Variants in EEF1AKMT2 observed in about 807,000 individuals in gnomAD.
The protein encoded by EEF1AKMT2 is eukaryotic translation elongation factor 1 alpha lysine methyltransferase 2.
Under a neutral mutation model 35.8 loss-of-function variants are expected in EEF1AKMT2, and 32 were observed. The ratio of observed to expected loss-of-function variants is 0.89; its 90% confidence interval spans 0.67 to 1.20. The LOEUF (loss-of-function observed/expected upper bound fraction) is 1.20, where lower values mean the gene tolerates loss of function less well. Among genes scored for constraint, EEF1AKMT2 ranks in the 50% most tolerant of loss-of-function variants. EEF1AKMT2 has a pLI of 0.00. For synonymous variants in EEF1AKMT2, 121 were observed against 133.7 expected (o/e 0.91, Z 0.65); for missense variants, 330 against 347.5 (o/e 0.95, Z 0.40).
intron 3 of EEF1AKMT2, among the ~76,000 whole-genome samples, chr10:124,786,711 G>T (rs546256457): frequency 6.6e-6 from 1 of 151,704 alleles, no homozygotes; most frequent in Non-Finnish European, 1.5e-5. Flanking sequence ...TCAGGAGGCT[G>T]AGGCAGGAAA....
At chr10:124,769,267 G>A (rs1028252633) in intron 4 of EEF1AKMT2, among the ~76,000 whole-genome samples, 8 of 93,750 alleles carry the variant, frequency 8.5e-5, no homozygotes, top group South Asian at 3.9e-4. Context: ...TAAATAAAAC[G>A]AACAGAATTG....
At chr10:124,790,394 T>A in intron 1 of EEF1AKMT2, 56 bp from the exon 2 acceptor site, 1 of 1,229,604 alleles carries the variant, frequency 8.1e-7, no homozygotes, top group Non-Finnish European at 1.2e-6. Context: ...TATTATGAAT[T>A]AAATGTATGT....
intron 6 of EEF1AKMT2, 85 bp from the exon 7 acceptor site, chr10:124,760,588 T>C: frequency 2.0e-6 from 2 of 978,016 alleles, no homozygotes; most frequent in Non-Finnish European, 3.1e-6. Flanking sequence ...CACTGTACCA[T>C]TGAACCCTTT....
intron 4 of EEF1AKMT2, among the ~76,000 whole-genome samples, chr10:124,772,424 T>C (rs75855074): frequency 9.4e-6 from 1 of 106,876 alleles, no homozygotes; most frequent in African/African-American, 3.1e-5. Flanking sequence ...CTTTTTCTTT[T>C]TTTTTTTTTT....
At position 124,765,477 on chromosome 10, in the gene EEF1AKMT2, G is replaced by A. The variant is rs762520637; in HGVS notation, c.531C>T (p.Leu177=). The stretch of plus-strand genomic sequence containing the variant: ...AGCCTTTTACTTTCAACACCCTGGA[G>A]AGAGATTTCACATATTGCTTCCTCT... ...IEKRKQYVKS[L]SRVLKVKGFF... is the part of the protein sequence containing the mutation. Residue 177 remains leucine, a synonymous_variant, in exon 5 of 7, where the codon CTC becomes CTT. Transcript: ENST00000368836. The A allele has an allele frequency of 2.5e-6, 4 of 1,613,860 alleles. No homozygotes were observed. The Admixed American group carries it at 6.7e-5, about 27-fold the overall frequency.
At chr10:124,791,097 C>G (rs1950630416) in intron 1 of EEF1AKMT2, among the ~76,000 whole-genome samples, 1 of 152,092 alleles carries the variant, frequency 6.6e-6, no homozygotes, top group South Asian at 2.1e-4. Flanking sequence ...GTCTCTTTTC[C>G]TACAATGATT....
At chr10:124,757,176 AC>A (rs1950293569), downstream of EEF1AKMT2, among the ~76,000 whole-genome samples, 1 of 151,608 alleles carries the variant, frequency 6.6e-6, no homozygotes, top group African/African-American at 2.4e-5. Flanking sequence ...CCACACACAC[AC>A]ACACACACAC....
Position 124,791,787 on chromosome 10 carries a change from C to T in EEF1AKMT2, c.47G>A (p.Arg16Gln). Residue 16 changes from arginine to glutamine, a missense_variant, in exon 1 of 7, where the codon CGG becomes CAG. Transcript: ENST00000368836. ...DGGGGAAVAA[R>Q]SDKGSPGEDG... ...CTCCCCGGGACTGCCCTTGTCCGAC[C>T]GCGCCGCCACCGCAGCGCCACCGCC... 1 of 1,592,464 alleles carries T rather than the reference C, an allele frequency of 6.3e-7. No individual in the cohort carries two copies.
chr10:124,765,697 A>C, intron 4 of EEF1AKMT2, 89 bp from the exon 5 acceptor site: 1 of 926,632 alleles, frequency 1.1e-6, no homozygotes, highest in Non-Finnish European at 1.6e-6. Flanking sequence ...TTATTAATAA[A>C]AGGACCCATT....
rs1554918000 is a variant in EEF1AKMT2 at position 124,774,406 on chromosome 10, A to AAAAAAAAAAAAAAAAAAAAG, written c.399+268_399+269insCTTTTTTTTTTTTTTTTTTT. 8.2e-5 allele frequency among the ~76,000 whole-genome samples: 4 copies of AAAAAAAAAAAAAAAAAAAAG among 48,506 alleles called. 2 individuals are homozygous for AAAAAAAAAAAAAAAAAAAAG. Among genetic ancestry groups the AAAAAAAAAAAAAAAAAAAAG allele is most frequent in the African/African-American group, 1.2e-4 (2 of 16,492 alleles). 31.8% of individuals were successfully genotyped at this position (48,506 alleles called of 152,430 possible). A position where few individuals can be genotyped will look rare whatever the true frequency, so the allele number is the denominator to read the frequency against. Reference sequence around the variant, plus strand: ...AAAAAAAAAAAAAAAAAAAAAAAAAAAAAACCCTTTTGATCTGGTTAATCC... The same window carrying AAAAAAAAAAAAAAAAAAAAG: ...AAAAAAAAAAAAAAAAAAAAAAAAAAAAAAAAAAAAAAAAAAAAAGAAAACCCTTTTGATCTGGTTAATCC... On this transcript the variant is annotated intron_variant, in intron 4 of 6. Coordinates refer to ENST00000368836, the MANE Select transcript of EEF1AKMT2 (RefSeq NM_212554.4).
Position 124,791,679 on chromosome 10 carries a change from G to T in EEF1AKMT2, c.110+45C>A. ...CCGCCGTCCCCTTCTCGGGGCCCAG[G>T]CAGGGCGGCACGGCTCATCCTCCCC... On this transcript the variant is annotated intron_variant, in intron 1 of 6. Transcript: ENST00000368836. 1.9e-6 allele frequency: 3 copies of T among 1,544,644 alleles called. No homozygotes were observed. In the African/African-American group the frequency reaches 4.1e-5, roughly 21 times the overall value.
At chr10:124,788,198 G>A (rs770046210) in intron 3 of EEF1AKMT2, among the ~76,000 whole-genome samples, 7 of 151,532 alleles carry the variant, frequency 4.6e-5, no homozygotes, top group Admixed American at 2.0e-4. Flanking sequence ...CTCTTTACAC[G>A]CCACTAGGTC....
intron 3 of EEF1AKMT2, among the ~76,000 whole-genome samples, chr10:124,777,658 C>T (rs1950499574): frequency 6.6e-6 from 1 of 151,986 alleles, no homozygotes; most frequent in African/African-American, 2.4e-5. Flanking sequence ...GCTGGATAGG[C>T]TCATGCCACC....
chr10:124,791,612 G>T, intron 1 of EEF1AKMT2, 112 bp downstream of exon 1: 3 of 1,453,684 alleles, frequency 2.1e-6, no homozygotes, highest in Non-Finnish European at 2.8e-6. Flanking sequence ...CTCCCGTCAC[G>T]CCCCCGAGGG....
chr10:124,763,608 G>A (rs1202973681), intron 5 of EEF1AKMT2, among the ~76,000 whole-genome samples: 1 of 152,024 alleles, frequency 6.6e-6, no homozygotes, highest in Non-Finnish European at 1.5e-5. Context: ...CTTAAATTCT[G>A]TATTTTGTTC....
At chr10:124,788,998 C>G in intron 3 of EEF1AKMT2, 45 bp downstream of exon 3, 1 of 1,422,238 alleles carries the variant, frequency 7.0e-7, no homozygotes, top group Non-Finnish European at 9.8e-7. Context: ...TAAAAATTTT[C>G]CTTTTAAAAT....
chr10:124,765,672 A>G, intron 4 of EEF1AKMT2, 64 bp from the exon 5 acceptor site: 1 of 1,223,232 alleles, frequency 8.2e-7, no homozygotes, highest in Admixed American at 2.2e-5. Context: ...AATGTAAGTG[A>G]CAACCTGTAA....
chr10:124,765,279 G>A (rs1228673731), intron 5 of EEF1AKMT2, 113 bp downstream of exon 5: 5 of 823,534 alleles, frequency 6.1e-6, no homozygotes, highest in Non-Finnish European at 9.8e-6. Context: ...AAAAAAGCAG[G>A]CAATTCCCAC....
intron 4 of EEF1AKMT2, among the ~76,000 whole-genome samples, chr10:124,771,162 A>G (rs1022302265): frequency 2.0e-5 from 3 of 151,196 alleles, no homozygotes; most frequent in Non-Finnish European, 2.9e-5. Context: ...TGCAGCGGCT[A>G]GATCTCAGCT....
Sources: gnomAD v4.1 joint callset for allele counts (sites outside exome capture counted in the v4.1 genomes callset) on GRCh38, gnomAD v4.1.1 for gene constraint, MANE v1.5 for transcripts, NCBI Gene and HGNC (gene_info 2026-07-23, HGNC 2026-07-21) for gene names.